The following CDH18 variants were observed in gnomAD, a reference collection of about 807,000 sequenced individuals.
CDH18 encodes cadherin-18.
Under a neutral mutation model 67.9 loss-of-function variants are expected in CDH18, and 31 were observed. The ratio of observed to expected loss-of-function variants is 0.46; its 90% confidence interval spans 0.34 to 0.62. The LOEUF (loss-of-function observed/expected upper bound fraction) is 0.62, where lower values mean the gene tolerates loss of function less well. CDH18 is among the 20% of genes least tolerant of loss of function. The pLI is 0.01. For synonymous variants in CDH18, 362 were observed against 347.2 expected (o/e 1.04, Z -0.48); for missense variants, 890 against 975.5 (o/e 0.91, Z 1.17).
At chr5:19,637,487 T>C (rs1338973175) in intron 5 of CDH18, among the ~76,000 whole-genome samples, 4 of 152,168 alleles carry the variant, frequency 2.6e-5, no homozygotes. Context: ...AAATATTCTA[T>C]CTTTGGCCAA....
At chr5:20,561,864 T>A (rs1429606684) in intron 1 of CDH18, among the ~76,000 whole-genome samples, 1 of 151,838 alleles carries the variant, frequency 6.6e-6, no homozygotes, top group African/African-American at 2.4e-5. Flanking sequence ...ATGTCTTCAT[T>A]ATTAATTTAT....
Position 19,480,563 on chromosome 5 carries a change from G to A in CDH18, c.1882+2738C>T, listed in dbSNP as rs186903045. On this transcript the variant is annotated intron_variant, in intron 12 of 12. Transcript: ENST00000382275. ...CGACTAATTTTTTGTGTTTTTAGTA[G>A]AGACAGGGTTTCACCGTGTTAGCCA... 2.8e-3 allele frequency among the ~76,000 whole-genome samples: 425 copies of A among 151,702 alleles called. 3 individuals carry two copies. Among genetic ancestry groups the A allele is most frequent in the African/African-American group, 9.7e-3 (401 of 41,398 alleles).
At chr5:19,503,337 TC>T (rs1444288497) in intron 10 of CDH18, among the ~76,000 whole-genome samples, 1 of 152,084 alleles carries the variant, frequency 6.6e-6, no homozygotes, top group Non-Finnish European at 1.5e-5. Flanking sequence ...CACTTTATTT[TC>T]TAGCATTGCA....
chr5:20,319,632 A>T (rs1249680423), intron 1 of CDH18, among the ~76,000 whole-genome samples: 1 of 152,226 alleles, frequency 6.6e-6, no homozygotes, highest in Non-Finnish European at 1.5e-5. Flanking sequence ...TGATGAATTC[A>T]CATGGCAGAC....
intron 5 of CDH18, among the ~76,000 whole-genome samples, chr5:19,661,683 G>T (rs1757201936): frequency 6.6e-6 from 1 of 152,000 alleles, no homozygotes; most frequent in Non-Finnish European, 1.5e-5. Context: ...GTGGAACAAG[G>T]TTTTGAGGAC....
At chr5:20,485,678 T>C (rs1057075714) in intron 1 of CDH18, among the ~76,000 whole-genome samples, 2 of 151,924 alleles carry the variant, frequency 1.3e-5, no homozygotes, top group Non-Finnish European at 2.9e-5. Context: ...ATACTGAATT[T>C]AGTAAGATTT....
intron 2 of CDH18, among the ~76,000 whole-genome samples, chr5:20,040,283 ATAT>A (rs537630349): frequency 3.1e-4 from 47 of 152,172 alleles, no homozygotes; most frequent in Non-Finnish European, 6.0e-4. Context: ...ATAAAGAATA[ATAT>A]TAATAATAAA....
intron 2 of CDH18, among the ~76,000 whole-genome samples, chr5:19,850,239 G>A (rs566396975): frequency 1.3e-5 from 2 of 151,718 alleles, no homozygotes; most frequent in South Asian, 2.1e-4. Context: ...TTCAGCATTC[G>A]ACTCATATTT....
At chr5:20,523,857 G>C (rs182043000) in intron 1 of CDH18, among the ~76,000 whole-genome samples, 235 of 152,208 alleles carry the variant, frequency 1.5e-3, no homozygotes, top group African/African-American at 5.0e-3. Context: ...TTTAAGTATT[G>C]AATATTCACA....
intron 5 of CDH18, among the ~76,000 whole-genome samples, chr5:19,695,838 A>T (rs1964469): frequency 0.97 from 147,277 of 152,292 alleles, 71,400 homozygotes; most frequent in Middle Eastern, 1. Context: ...CGAGTTCATC[A>T]TCAGTATCAG....
At chr5:19,578,492 G>A (rs1164119927) in intron 7 of CDH18, among the ~76,000 whole-genome samples, 1 of 151,618 alleles carries the variant, frequency 6.6e-6, no homozygotes, top group African/African-American at 2.4e-5. Flanking sequence ...ATGTTTTCAA[G>A]CTGCTTATTT....
chr5:19,696,445 A>C (rs1762552349), intron 5 of CDH18, among the ~76,000 whole-genome samples: 1 of 151,704 alleles, frequency 6.6e-6, no homozygotes, highest in Non-Finnish European at 1.5e-5. Flanking sequence ...CTGAGGCAGG[A>C]GAATGGCGTG....
chr5:20,052,709 T>C (rs1235263352), intron 2 of CDH18, among the ~76,000 whole-genome samples: 1 of 152,116 alleles, frequency 6.6e-6, no homozygotes, highest in Non-Finnish European at 1.5e-5. Flanking sequence ...TTATTAAATG[T>C]ATTATTTGGT....
At chr5:20,476,062 T>G (rs1316786982) in intron 1 of CDH18, among the ~76,000 whole-genome samples, 3 of 152,160 alleles carry the variant, frequency 2.0e-5, no homozygotes, top group Non-Finnish European at 4.4e-5. Flanking sequence ...AATTCTCAAC[T>G]GCCATTTGGG....
At chr5:19,770,966 G>T (rs899872589) in intron 3 of CDH18, among the ~76,000 whole-genome samples, 1 of 152,182 alleles carries the variant, frequency 6.6e-6, no homozygotes, top group East Asian at 1.9e-4. Flanking sequence ...TCAACAAAAA[G>T]GCAATTAGTC....
At chr5:19,860,053 C>T (rs902649756) in intron 2 of CDH18, among the ~76,000 whole-genome samples, 3 of 143,946 alleles carry the variant, frequency 2.1e-5, no homozygotes, top group Admixed American at 7.0e-5. Flanking sequence ...TAAATGTATC[C>T]GATTAGGCAT....
At chr5:19,536,533 T>C (rs1344335008) in intron 9 of CDH18, among the ~76,000 whole-genome samples, 1 of 152,172 alleles carries the variant, frequency 6.6e-6, no homozygotes, top group Non-Finnish European at 1.5e-5. Context: ...TCTTAGACAA[T>C]CAGGAAATGT....
intron 1 of CDH18, among the ~76,000 whole-genome samples, chr5:20,481,222 T>C (rs887370066): frequency 2.9e-5 from 4 of 139,562 alleles, no homozygotes; most frequent in Non-Finnish European, 4.6e-5. Flanking sequence ...AAAAAAAACA[T>C]AAAAAGAGAC....
chr5:19,598,897 C>T (rs1217278346), intron 6 of CDH18, among the ~76,000 whole-genome samples: 1 of 151,814 alleles, frequency 6.6e-6, no homozygotes, highest in Non-Finnish European at 1.5e-5. Context: ...CTAAAATTTG[C>T]AAATAAAATG....
Sources: allele counts gnomAD v4.1 joint callset (sites outside exome capture counted in the v4.1 genomes callset), GRCh38; gene constraint gnomAD v4.1.1; transcripts MANE v1.5; gene names NCBI Gene and HGNC (gene_info 2026-07-23, HGNC 2026-07-21).